NBR1: variants seen among roughly 807,000 people sequenced by gnomAD.
NBR1 encodes next to BRCA1 gene 1 protein.
Under a neutral mutation model 115.5 loss-of-function variants are expected in NBR1, and 59 were observed. The observed-to-expected ratio is 0.51, with a 90% CI of 0.41 to 0.63. NBR1 has a LOEUF of 0.63. Among genes scored for constraint, NBR1 ranks in the 30% least tolerant of loss-of-function variants. The pLI is 0.00. For synonymous variants in NBR1, 373 were observed against 414.7 expected, an observed-to-expected ratio of 0.90 and a Z score of 1.22; for missense variants, 1,043 against 1,150.5, an observed-to-expected ratio of 0.91 and a Z score of 1.35.
At position 43,187,525 on chromosome 17, in the gene NBR1, T is replaced by G. The variant is rs111243374; in HGVS notation, c.402+1081T>G. ...GACTTTTTTTTTTTTTTTTTTTTTT[T>G]TGAGACAGAGTCTTGCACCTTCGCC... On this transcript the variant is annotated intron_variant, in intron 6 of 20. Transcript: ENST00000590996. 3.3e-3 allele frequency among the ~76,000 whole-genome samples: 483 copies of G among 144,968 alleles called. 2 individuals carry two copies. Among genetic ancestry groups the G allele is most frequent in the African/African-American group, 0.012 (443 of 38,440 alleles).
intron 8 of NBR1, 131 bp downstream of exon 8, chr17:43,189,933 G>A: frequency 1.3e-6 from 1 of 753,040 alleles, no homozygotes; most frequent in Non-Finnish European, 2.2e-6. Context: ...CTGTGAGTTG[G>A]AAGCACAAGC....
In NBR1 at chr17:43,189,699, C is replaced by T. The variant is rs755163851; in HGVS notation, c.592C>T (p.Pro198Ser). The T allele has an allele frequency of 6.3e-5, 101 of 1,613,648 alleles. 1 individual carries two copies. The South Asian group carries it at 8.3e-4, about 13-fold the overall frequency. The change falls in exon 8 of 21, where the codon CCT (proline) becomes TCT (serine). Residue 198 changes from proline to serine, a missense_variant. Pro to Ser is a moderately conservative substitution (Grantham distance 74, BLOSUM62 -1). Transcript: ENST00000590996. Reference sequence around the variant, plus strand: ...TTCTTGTCCCTCAGAAGTCTCAATGCCTACTTCAGAAGAAACATTGTTTTT... The same window carrying T: ...TTCTTGTCCCTCAGAAGTCTCAATGTCTACTTCAGAAGAAACATTGTTTTT... ...LGSCPSEVSM[P>S]TSEETLFLPE...
chr17:43,205,877 CA>C (rs71361507), intron 20 of NBR1, among the ~76,000 whole-genome samples: 112 of 58,684 alleles, frequency 1.9e-3, no homozygotes, highest in Non-Finnish European at 1.9e-3. Context: ...GACCATGTCT[CA>C]AAAAAAAAAA....
In NBR1 at chr17:43,203,795, G is replaced by C. The variant is rs1259151432; in HGVS notation, c.2727+9G>C. 2 of 1,534,084 alleles carry C rather than the reference G, an allele frequency of 1.3e-6. No individual in the cohort carries two copies. Among genetic ancestry groups the C allele is most frequent in the Non-Finnish European group, 1.8e-6 (2 of 1,126,184 alleles). ...CACCAGTCACTGCACAGGTCAGTGT[G>C]TGTGTTTTATTTTCCTGAATCTCAA... On this transcript the variant is annotated intron_variant, in intron 20 of 20. Coordinates refer to ENST00000590996, the MANE Select transcript of NBR1 (RefSeq NM_005899.5).
chr17:43,201,637 G>T (rs2154582372), intron 17 of NBR1, 49 bp from the exon 18 acceptor site: 1 of 1,095,896 alleles, frequency 9.1e-7, no homozygotes, highest in East Asian at 2.4e-5. Context: ...CTCCACTGTT[G>T]CCATAAGTGC....
At chr17:43,193,065 A>G (rs370786832) in intron 10 of NBR1, 29 bp from the exon 11 acceptor site, 78 of 1,608,290 alleles carry the variant, frequency 4.8e-5, no homozygotes, top group Non-Finnish European at 6.3e-5. Flanking sequence ...CCCAACAGCA[A>G]GTGACTAAGC....
intron 20 of NBR1, among the ~76,000 whole-genome samples, chr17:43,208,749 T>G (rs1229433687): frequency 7.2e-5 from 11 of 152,176 alleles, no homozygotes; most frequent in African/African-American, 1.2e-4. Context: ...AAGGATCACT[T>G]GGGCCCAGAA....
At chr17:43,188,943 T>C in intron 6 of NBR1, 99 bp from the exon 7 acceptor site, 1 of 839,610 alleles carries the variant, frequency 1.2e-6, no homozygotes, top group Non-Finnish European at 2.0e-6. Context: ...TATATACTTG[T>C]ATGATTTCAC....
rs777516028 is a variant in NBR1, at chr17:43,191,485, A to G, written c.977A>G (p.His326Arg). ...GAACTTAAAAAGCAGCTTAAACTCCATAGGAAAATTCACCTGTGGAATTCA... is the reference window on the plus strand; with the variant it reads ...GAACTTAAAAAGCAGCTTAAACTCCGTAGGAAAATTCACCTGTGGAATTCA... ...VKELKKQLKL[H>R]RKIHLWNSIH... Residue 326 changes from histidine (H) to arginine (R), a missense_variant, in exon 10 of 21, where the codon CAT becomes CGT. Coordinates refer to ENST00000590996, the MANE Select transcript of NBR1 (RefSeq NM_005899.5). 7 of 1,613,324 alleles carry G rather than the reference A, an allele frequency of 4.3e-6. No individual in the cohort carries two copies. In the South Asian group the frequency reaches 5.5e-5, roughly 13 times the overall value.
Position 43,193,166 on chromosome 17 carries a change from T to TG in NBR1, c.1149dup (p.Thr384AspfsTer105). On this transcript the variant is annotated frameshift_variant, in exon 11 of 21. Transcript: ENST00000590996. LOFTEE classifies it high-confidence loss of function. Reference sequence around the variant, plus strand: ...CATTTGTGGATGAGAATTTGCCTGATGGGACTCACCTTCAGCCAGGAACCA... The same window carrying TG: ...CATTTGTGGATGAGAATTTGCCTGATGGGGACTCACCTTCAGCCAGGAACCA... The TG allele has an allele frequency of 6.2e-7, 1 of 1,613,970 alleles. No homozygotes were observed. Among genetic ancestry groups the TG allele is most frequent in the Non-Finnish European group, 8.5e-7 (1 of 1,179,860 alleles).
Position 43,209,705 on chromosome 17 carries a change from C to G in NBR1, c.2728-196C>G, listed in dbSNP as rs1426241126. On this transcript the variant is annotated intron_variant, in intron 20 of 20. Transcript: ENST00000590996. ...TCCTTCAAGTACACAGATAACTAAT[C>G]TAAAATAGGGCCTTCCCAGTCCGAA... The G allele has an allele frequency of 1.2e-5, 19 of 1,533,852 alleles. No individual in the cohort carries two copies. In the East Asian group the frequency reaches 4.4e-4, roughly 36 times the overall value.
chr17:43,204,493 G>C (rs373530106), intron 20 of NBR1, among the ~76,000 whole-genome samples: 4 of 151,316 alleles, frequency 2.6e-5, no homozygotes, highest in African/African-American at 9.7e-5. Context: ...AACATAGTGA[G>C]ACCCCCATCT....
chr17:43,194,228 C>A, intron 12 of NBR1, 122 bp from the exon 13 acceptor site: 3 of 934,532 alleles, frequency 3.2e-6, no homozygotes, highest in Non-Finnish European at 3.2e-6. Flanking sequence ...AAAAATATAT[C>A]AAAAACATTG....
chr17:43,175,540 A>AT (rs2154581919), intron 1 of NBR1, among the ~76,000 whole-genome samples: 1 of 152,280 alleles, frequency 6.6e-6, no homozygotes, highest in Admixed American at 6.5e-5. Context: ...TTCAAGAATA[A>AT]TTTTTGTGAC....
intron 17 of NBR1, 119 bp from the exon 18 acceptor site, chr17:43,201,567 G>T: frequency 1.5e-6 from 1 of 657,836 alleles, no homozygotes; most frequent in Non-Finnish European, 2.8e-6. Context: ...CATGTGATCT[G>T]GATCAGAAAT....
chr17:43,188,757 G>T (rs1244961597), intron 6 of NBR1, among the ~76,000 whole-genome samples: 1 of 152,076 alleles, frequency 6.6e-6, no homozygotes, highest in Non-Finnish European at 1.5e-5. Context: ...CCAATTTCTA[G>T]ATTTATTTCT....
intron 6 of NBR1, among the ~76,000 whole-genome samples, chr17:43,187,721 A>G (rs2056850796): frequency 7.0e-6 from 1 of 143,070 alleles, no homozygotes; most frequent in South Asian, 2.2e-4. Context: ...TGTTGGTGAG[A>G]CTGGTCTGGA....
rs1384447265 is a variant in NBR1, at chr17:43,199,038, GAC to G, written c.2027-1127_2027-1126del. 4.0e-5 allele frequency among the ~76,000 whole-genome samples: 6 copies of G among 151,636 alleles called. No individual in the cohort carries two copies. The South Asian group carries it at 1.2e-3, about 32-fold the overall frequency. ...AATACATAACAAAAAGGTCTGGAAA[GAC>G]AGTACCAAAATGTTCACAGCTGTTA... is the stretch of plus-strand genomic sequence containing the variant. On this transcript the variant is annotated intron_variant, in intron 16 of 20. Transcript: ENST00000590996.
upstream of NBR1, chr17:43,171,032 C>A (rs1429710886): frequency 1.3e-5 from 2 of 152,320 alleles, no homozygotes; most frequent in East Asian, 3.9e-4. Context: ...CTCCTAGTTC[C>A]GCCCCTCAGC....
Sources: gnomAD v4.1 joint callset for allele counts (sites outside exome capture counted in the v4.1 genomes callset) on GRCh38, gnomAD v4.1.1 for gene constraint, MANE v1.5 for transcripts, NCBI Gene and HGNC (gene_info 2026-07-23, HGNC 2026-07-21) for gene names.